CDH13: variants seen among roughly 807,000 people sequenced by gnomAD.
CDH13 encodes cadherin-13.
In CDH13, 24 loss-of-function variants were observed where a neutral mutation model predicts 63.8. The ratio of observed to expected loss-of-function variants is 0.38; its 90% CI spans 0.27 to 0.53. The LOEUF (loss-of-function observed/expected upper bound fraction) is 0.53. Ranked by LOEUF, CDH13 falls within the 20% of genes least tolerant of loss-of-function variation. The pLI is 0.85. For synonymous variants in CDH13, 503 were observed against 355.3 expected, an observed-to-expected ratio of 1.42 and a Z score of -4.67; for missense variants, 1,049 against 903.1, an observed-to-expected ratio of 1.16 and a Z score of -2.07.
At chr16:83,356,406 A>G (rs2151380759) in intron 6 of CDH13, among the ~76,000 whole-genome samples, 1 of 152,240 alleles carries the variant, frequency 6.6e-6, no homozygotes, top group Non-Finnish European at 1.5e-5. Flanking sequence ...CGGTAGTTTG[A>G]GAGATGCTCA....
intron 1 of CDH13, among the ~76,000 whole-genome samples, chr16:82,725,247 C>T: frequency 6.6e-6 from 1 of 152,164 alleles, no homozygotes; most frequent in Non-Finnish European, 1.5e-5. Flanking sequence ...ACATATGTCT[C>T]TTTCCCCATA....
chr16:82,814,225 C>T (rs768071725), intron 1 of CDH13, among the ~76,000 whole-genome samples: 12 of 152,262 alleles, frequency 7.9e-5, no homozygotes, highest in Middle Eastern at 3.4e-3. Context: ...TCCTGAGTGA[C>T]GGGAACATCT....
intron 7 of CDH13, among the ~76,000 whole-genome samples, chr16:83,562,623 T>G (rs8046640): frequency 0.43 from 64,832 of 151,790 alleles, 13,836 homozygotes; most frequent in East Asian, 0.53. Flanking sequence ...TAGATTGTCT[T>G]TGTTCTTCAT....
intron 6 of CDH13, among the ~76,000 whole-genome samples, chr16:83,459,515 A>T (rs1259968668): frequency 6.6e-6 from 1 of 152,220 alleles, no homozygotes; most frequent in Non-Finnish European, 1.5e-5. Flanking sequence ...GAAACTAAAA[A>T]CTTTTTTATT....
At chr16:83,140,236 G>A (rs2036471060) in intron 4 of CDH13, among the ~76,000 whole-genome samples, 1 of 152,124 alleles carries the variant, frequency 6.6e-6, no homozygotes, top group Non-Finnish European at 1.5e-5. Context: ...ACTTTGAGGA[G>A]CTCCACTTCT....
chr16:83,400,759 C>G (rs924503628), intron 6 of CDH13, among the ~76,000 whole-genome samples: 6 of 151,776 alleles, frequency 4.0e-5, no homozygotes, highest in Non-Finnish European at 8.8e-5. Context: ...TCCCATCAAC[C>G]CACACTCTTT....
In CDH13 at chr16:83,186,224, C is replaced by T. The variant is rs147530431; in HGVS notation, c.484-31121C>T. ...ATCTCGGATCACTGCAGCCAACCTC[C>T]GCCTCCTGGGTTCAAGCAATTCTCC... On this transcript the variant is annotated intron_variant, in intron 4 of 13. Coordinates refer to ENST00000567109, the MANE Select transcript of CDH13 (RefSeq NM_001257.5). 3.9e-3 allele frequency among the ~76,000 whole-genome samples: 586 copies of T among 151,622 alleles called. 5 individuals carry two copies. Among genetic ancestry groups the T allele is most frequent in the African/African-American group, 0.013 (535 of 41,298 alleles).
In CDH13 at chr16:83,348,047, G is replaced by T. The variant is rs149924585; in HGVS notation, c.781+3041G>T. ...GCTACGAAAAAAACAAAAATTAGCCGGGTGCGGTGGTGGGTGCCTGTAATC... is the reference window on the plus strand; with the variant it reads ...GCTACGAAAAAAACAAAAATTAGCCTGGTGCGGTGGTGGGTGCCTGTAATC... On this transcript the variant is annotated intron_variant, in intron 6 of 13. Transcript: ENST00000567109. 4.6e-3 allele frequency among the ~76,000 whole-genome samples: 697 copies of T among 152,208 alleles called. 8 individuals are homozygous for T. Among genetic ancestry groups the T allele is most frequent in the African/African-American group, 0.016 (676 of 41,540 alleles).
intron 7 of CDH13, among the ~76,000 whole-genome samples, chr16:83,495,057 T>C (rs967766742): frequency 2.6e-5 from 4 of 152,168 alleles, no homozygotes; most frequent in African/African-American, 7.2e-5. Flanking sequence ...GAAGATATTA[T>C]TATCAACAGA....
intron 2 of CDH13, chr16:82,925,856 G>A (rs1238799553): frequency 6.6e-6 from 1 of 150,962 alleles, no homozygotes; most frequent in South Asian, 2.1e-4. Flanking sequence ...CTTTTTTTTT[G>A]TTGTTTTCTC....
chr16:83,461,843 G>A (rs556262292), intron 6 of CDH13, among the ~76,000 whole-genome samples: 28 of 152,314 alleles, frequency 1.8e-4, no homozygotes, highest in African/African-American at 5.5e-4. Context: ...CCAGAAGATC[G>A]ATTCTGGCTC....
chr16:83,609,537 T>G (rs1908668766), intron 8 of CDH13, among the ~76,000 whole-genome samples: 1 of 152,272 alleles, frequency 6.6e-6, no homozygotes, highest in Non-Finnish European at 1.5e-5. Flanking sequence ...TGATTCATTC[T>G]TCTTCATTAG....
At chr16:82,723,537 T>TC (rs1377888929) in intron 1 of CDH13, among the ~76,000 whole-genome samples, 2 of 152,176 alleles carry the variant, frequency 1.3e-5, no homozygotes, top group Non-Finnish European at 2.9e-5. Flanking sequence ...TTTGCCCTAT[T>TC]CCTCTGTCTG....
chr16:83,570,571 A>G (rs1904483366), intron 7 of CDH13, among the ~76,000 whole-genome samples: 2 of 151,930 alleles, frequency 1.3e-5, no homozygotes, highest in South Asian at 2.1e-4. Flanking sequence ...GTGGGAAGGA[A>G]CTAGCACAGT....
At chr16:82,808,061 A>G (rs2037243528) in intron 1 of CDH13, among the ~76,000 whole-genome samples, 1 of 152,176 alleles carries the variant, frequency 6.6e-6, no homozygotes, top group Non-Finnish European at 1.5e-5. Flanking sequence ...GAGAGAGTGT[A>G]GTCAGAAGTC....
At chr16:83,081,352 C>G (rs371122339) in intron 3 of CDH13, among the ~76,000 whole-genome samples, 5 of 152,066 alleles carry the variant, frequency 3.3e-5, no homozygotes, top group Non-Finnish European at 7.4e-5. Flanking sequence ...CAGTTGAAGA[C>G]GGGCATTGAA....
chr16:83,661,884 T>A (rs183459000), intron 8 of CDH13, among the ~76,000 whole-genome samples: 1 of 152,330 alleles, frequency 6.6e-6, no homozygotes, highest in Non-Finnish European at 1.5e-5. Context: ...CAGTGAATGT[T>A]TCCCTTTCTT....
In CDH13 at chr16:82,787,853, A is replaced by G. The variant is rs1377335882; in HGVS notation, c.46-70509A>G. ...GGTGAAGGGAGGAAGTGTGTGTGTG[A>G]TCTCAAAAGCCATCATACATCTTTC... On this transcript the variant is annotated intron_variant, in intron 1 of 13. Coordinates refer to ENST00000567109, the MANE Select transcript of CDH13 (RefSeq NM_001257.5). Among the ~76,000 whole-genome samples, 8 of 1,910 alleles carry G rather than the reference A, an allele frequency of 4.2e-3. No homozygotes were observed. The East Asian group carries it at 0.12, about 29-fold the overall frequency. 1.3% of individuals were successfully genotyped at this position (1,910 alleles called of 152,430 possible).
intron 10 of CDH13, among the ~76,000 whole-genome samples, chr16:83,705,438 C>G (rs1391051161): frequency 6.6e-6 from 1 of 151,936 alleles, no homozygotes; most frequent in Non-Finnish European, 1.5e-5. Context: ...CTGGCTAACA[C>G]GGTGAAATCC....
Sources: gnomAD v4.1 joint callset for allele counts (sites outside exome capture counted in the v4.1 genomes callset) on GRCh38, gnomAD v4.1.1 for gene constraint, MANE v1.5 for transcripts, NCBI Gene and HGNC (gene_info 2026-07-23, HGNC 2026-07-21) for gene names.